CSMD1: variants seen among roughly 807,000 people sequenced by gnomAD.
CSMD1 encodes CUB and sushi domain-containing protein 1.
Under a neutral mutation model 417.5 loss-of-function variants are expected in CSMD1, and 213 were observed. The ratio of observed to expected loss-of-function variants is 0.51; its 90% CI spans 0.46 to 0.57. The LOEUF (loss-of-function observed/expected upper bound fraction) is 0.57. CSMD1 is among the 20% of genes least tolerant of loss of function. CSMD1 has a pLI of 0.00. For synonymous variants in CSMD1, 2,862 were observed against 1,736.8 expected (o/e 1.65, Z -16.11); for missense variants, 6,923 against 4,529.7 (o/e 1.53, Z -15.17).
chr8:4,688,078 C>A (rs191345567), intron 1 of CSMD1, among the ~76,000 whole-genome samples: 2 of 152,164 alleles, frequency 1.3e-5, no homozygotes, highest in African/African-American at 2.4e-5. Flanking sequence ...CACTCTCTTA[C>A]CCAGTTTTAA....
At chr8:3,401,046 A>G (rs1812009137) in intron 15 of CSMD1, among the ~76,000 whole-genome samples, 1 of 151,756 alleles carries the variant, frequency 6.6e-6, no homozygotes, top group African/African-American at 2.4e-5. Flanking sequence ...GATATACATA[A>G]TTATATGTAA....
At chr8:3,597,760 C>T (rs895614536) in intron 8 of CSMD1, among the ~76,000 whole-genome samples, 4 of 152,100 alleles carry the variant, frequency 2.6e-5, no homozygotes, top group Non-Finnish European at 4.4e-5. Context: ...ATTGCATGTT[C>T]TCACTCATAA....
intron 3 of CSMD1, among the ~76,000 whole-genome samples, chr8:4,367,062 G>C (rs1355548544): frequency 6.6e-6 from 1 of 152,048 alleles, no homozygotes; most frequent in African/African-American, 2.4e-5. Context: ...GGTCCCACTT[G>C]TCAATTTTTA....
chr8:4,305,314 C>A (rs4875318), intron 3 of CSMD1, among the ~76,000 whole-genome samples: 152,081 of 152,256 alleles, frequency 1, 75,953 homozygotes, highest in Non-Finnish European at 1. Context: ...AGAGTCAGGC[C>A]GCCACAAAGC....
intron 1 of CSMD1, among the ~76,000 whole-genome samples, chr8:4,647,331 G>C (rs1032821714): frequency 1.3e-5 from 2 of 151,452 alleles, no homozygotes; most frequent in Non-Finnish European, 2.9e-5. Flanking sequence ...TGCCACGGCG[G>C]CCTGCTACGT....
chr8:4,112,981 G>C (rs1353041548), intron 3 of CSMD1, among the ~76,000 whole-genome samples: 3 of 152,132 alleles, frequency 2.0e-5, no homozygotes, highest in Non-Finnish European at 2.9e-5. Flanking sequence ...TATTTCAAAA[G>C]TTGTTGTTAT....
intron 1 of CSMD1, among the ~76,000 whole-genome samples, chr8:4,647,475 C>T (rs867187544): frequency 4.7e-4 from 54 of 114,250 alleles, no homozygotes; most frequent in African/African-American, 8.5e-4. Flanking sequence ...TACGTAGGTA[C>T]GCGTGTGCCA....
At chr8:2,961,933 A>G (rs536781555) in intron 61 of CSMD1, among the ~76,000 whole-genome samples, 1 of 152,332 alleles carries the variant, frequency 6.6e-6, no homozygotes, top group South Asian at 2.1e-4. Context: ...TTCAATGACA[A>G]TATTTCTTTA....
chr8:3,452,979 T>C (rs948301388), intron 12 of CSMD1, among the ~76,000 whole-genome samples: 35 of 152,312 alleles, frequency 2.3e-4, no homozygotes, highest in African/African-American at 8.2e-4. Flanking sequence ...CTATTAATTA[T>C]TGCCTCTATT....
intron 3 of CSMD1, among the ~76,000 whole-genome samples, chr8:4,065,386 C>G (rs370996424): frequency 1.3e-5 from 2 of 151,846 alleles, no homozygotes; most frequent in African/African-American, 4.9e-5. Flanking sequence ...TATGGTCCTA[C>G]AGTCTTAAAA....
intron 7 of CSMD1, among the ~76,000 whole-genome samples, chr8:3,621,764 T>C (rs1333515206): frequency 6.6e-6 from 1 of 150,956 alleles, no homozygotes; most frequent in Non-Finnish European, 1.5e-5. Flanking sequence ...TTATTATTAT[T>C]ATTTTATTAT....
At chr8:4,907,986 A>G (rs755838286) in intron 1 of CSMD1, among the ~76,000 whole-genome samples, 1 of 152,184 alleles carries the variant, frequency 6.6e-6, no homozygotes, top group African/African-American at 2.4e-5. Flanking sequence ...TAGATATTCT[A>G]ATACACCATC....
chr8:4,696,594 G>A (rs145536757), intron 1 of CSMD1, among the ~76,000 whole-genome samples: 30 of 152,158 alleles, frequency 2.0e-4, no homozygotes, highest in South Asian at 1.9e-3. Flanking sequence ...AATTTCCCCC[G>A]TATTACCCAG....
At chr8:3,815,153 G>C (rs966609480) in intron 5 of CSMD1, among the ~76,000 whole-genome samples, 1 of 152,156 alleles carries the variant, frequency 6.6e-6, no homozygotes, top group African/African-American at 2.4e-5. Context: ...CCCAGATATA[G>C]GGTGAGAAGC....
At chr8:4,032,490 A>G (rs2554570) in intron 3 of CSMD1, among the ~76,000 whole-genome samples, 30 of 152,070 alleles carry the variant, frequency 2.0e-4, no homozygotes, top group Non-Finnish European at 4.0e-4. Flanking sequence ...ACAGTGGCAT[A>G]AGAAATACTG....
chr8:4,590,191 G>T (rs1021003758), intron 2 of CSMD1, among the ~76,000 whole-genome samples: 1 of 151,562 alleles, frequency 6.6e-6, no homozygotes, highest in African/African-American at 2.4e-5. Flanking sequence ...TCTTTTAGAT[G>T]AGACCAGGAT....
chr8:3,973,437 A>G (rs76582733), intron 5 of CSMD1, among the ~76,000 whole-genome samples: 86 of 152,342 alleles, frequency 5.6e-4, no homozygotes, highest in African/African-American at 2.0e-3. Context: ...CAAATTATAA[A>G]AATTTTTTGA....
intron 2 of CSMD1, among the ~76,000 whole-genome samples, chr8:4,536,156 C>A (rs932787930): frequency 3.9e-5 from 6 of 152,250 alleles, no homozygotes; most frequent in Admixed American, 1.3e-4. Context: ...AACCGCAACT[C>A]AGTAAGTAAG....
chr8:4,193,325 C>T (rs984989528), intron 3 of CSMD1, among the ~76,000 whole-genome samples: 1 of 151,826 alleles, frequency 6.6e-6, no homozygotes, highest in African/African-American at 2.4e-5. Context: ...TTTCAAAGAA[C>T]GTCCTCCAAT....
Sources: gnomAD v4.1 joint callset for allele counts (sites outside exome capture counted in the v4.1 genomes callset) on GRCh38, gnomAD v4.1.1 for gene constraint, MANE v1.5 for transcripts, NCBI Gene and HGNC (gene_info 2026-07-23, HGNC 2026-07-21) for gene names.